Variants in PLEKHA7 observed in about 807,000 individuals in gnomAD.
PLEKHA7 encodes pleckstrin homology domain-containing family A member 7.
A neutral mutation model predicts 170.0 loss-of-function variants in PLEKHA7; 104 were observed. That is an observed-to-expected ratio of 0.61 (90% CI 0.52 to 0.72). PLEKHA7 has a LOEUF of 0.72. Among genes scored for constraint, PLEKHA7 ranks in the 30% least tolerant of loss-of-function variants. The probability of loss-of-function intolerance (pLI) is 0.00; values close to 1 mark genes in which losing one functional copy is unlikely to be tolerated. For synonymous variants in PLEKHA7, 648 were observed against 660.8 expected, an observed-to-expected ratio of 0.98 and a Z score of 0.30; for missense variants, 1,615 against 1,671.7, an observed-to-expected ratio of 0.97 and a Z score of 0.59.
chr11:16,950,554 T>C (rs1189677621), intron 3 of PLEKHA7, among the ~76,000 whole-genome samples: 1 of 151,762 alleles, frequency 6.6e-6, no homozygotes, highest in Non-Finnish European at 1.5e-5. Context: ...AATAGAGTCC[T>C]GACTCCTAAG....
intron 6 of PLEKHA7, among the ~76,000 whole-genome samples, chr11:16,853,776 G>C (rs971978768): frequency 6.6e-6 from 1 of 152,212 alleles, no homozygotes; most frequent in Non-Finnish European, 1.5e-5. Flanking sequence ...GTGGGCACAA[G>C]AGACGGTGGT....
In PLEKHA7 at chr11:16,813,151, G is replaced by C; in HGVS notation, c.1969C>G (p.Leu657Val). ...LHGKSADDTY[L>V]QLKKDLEYLD... ...TACTCCAGGTCTTTCTTCAGCTGGA[G>C]GTAGGTATCATCAGCCTTCAAATGA... The change falls in exon 13 of 27, where the codon CTC becomes GTC. Residue 657 changes from leucine (L) to valine (V), a missense_variant. Leu to Val is a conservative substitution (Grantham distance 32). Coordinates refer to ENST00000531066, the MANE Select transcript of PLEKHA7 (RefSeq NM_001329630.2). The C allele has an allele frequency of 6.2e-7, 1 of 1,613,614 alleles. No individual in the cohort carries two copies. Among genetic ancestry groups the C allele is most frequent in the Non-Finnish European group, 8.5e-7 (1 of 1,179,592 alleles).
intron 3 of PLEKHA7, among the ~76,000 whole-genome samples, chr11:16,993,349 A>G (rs1864157938): frequency 6.6e-6 from 1 of 152,088 alleles, no homozygotes; most frequent in Admixed American, 6.5e-5. Flanking sequence ...GGCAGGCAGG[A>G]AACAATTCCT....
At chr11:16,929,736 G>A (rs903374562) in intron 3 of PLEKHA7, among the ~76,000 whole-genome samples, 3 of 152,226 alleles carry the variant, frequency 2.0e-5, no homozygotes, top group African/African-American at 7.2e-5. Flanking sequence ...TGGGCGTGGT[G>A]GCTCACGCCT....
chr11:16,996,908 C>A (rs566822632), intron 3 of PLEKHA7, among the ~76,000 whole-genome samples: 1 of 152,168 alleles, frequency 6.6e-6, no homozygotes, highest in South Asian at 2.1e-4. Flanking sequence ...TGCACTCCAG[C>A]CTGGGTGACA....
chr11:16,903,236 C>A (rs1857448525), intron 3 of PLEKHA7, among the ~76,000 whole-genome samples: 1 of 152,188 alleles, frequency 6.6e-6, no homozygotes, highest in South Asian at 2.1e-4. Context: ...AGGTCTTAGT[C>A]ACAGCTCTAT....
chr11:17,004,536 G>A (rs1351665523), intron 3 of PLEKHA7, among the ~76,000 whole-genome samples: 1 of 151,912 alleles, frequency 6.6e-6, no homozygotes, highest in Non-Finnish European at 1.5e-5. Flanking sequence ...GGGATTACAG[G>A]CACGCACCAC....
At chr11:17,004,439 C>G (rs939791233) in intron 3 of PLEKHA7, among the ~76,000 whole-genome samples, 1 of 150,190 alleles carries the variant, frequency 6.7e-6, no homozygotes, top group Non-Finnish European at 1.5e-5. Flanking sequence ...GTCGCCCAGG[C>G]TGGAGTGCAA....
intron 3 of PLEKHA7, among the ~76,000 whole-genome samples, chr11:16,936,579 T>C (rs1860322103): frequency 6.6e-6 from 1 of 152,182 alleles, no homozygotes; most frequent in Non-Finnish European, 1.5e-5. Context: ...TCCAATTATA[T>C]TCCTGGAGAC....
intron 3 of PLEKHA7, among the ~76,000 whole-genome samples, chr11:16,961,222 T>C (rs944599607): frequency 6.6e-6 from 1 of 152,206 alleles, no homozygotes; most frequent in African/African-American, 2.4e-5. Context: ...CAGTCCCAGC[T>C]GGTTTCTCTG....
intron 8 of PLEKHA7, among the ~76,000 whole-genome samples, chr11:16,849,179 T>G (rs1336929422): frequency 6.6e-6 from 1 of 152,202 alleles, no homozygotes; most frequent in Non-Finnish European, 1.5e-5. Flanking sequence ...ACTCTCTTAG[T>G]AAAGTCTTTC....
At chr11:16,896,012 G>A (rs531181305) in intron 3 of PLEKHA7, among the ~76,000 whole-genome samples, 3 of 152,260 alleles carry the variant, frequency 2.0e-5, no homozygotes, top group East Asian at 3.9e-4. Flanking sequence ...CAGGATACAC[G>A]ATGGTCCCCA....
At chr11:16,953,097 C>T (rs1861505380) in intron 3 of PLEKHA7, among the ~76,000 whole-genome samples, 1 of 152,224 alleles carries the variant, frequency 6.6e-6, no homozygotes, top group Non-Finnish European at 1.5e-5. Context: ...TTCATGGAGG[C>T]AGTGAAGTTT....
At chr11:16,984,958 G>A (rs1863638555) in intron 3 of PLEKHA7, among the ~76,000 whole-genome samples, 1 of 152,184 alleles carries the variant, frequency 6.6e-6, no homozygotes, top group Non-Finnish European at 1.5e-5. Flanking sequence ...AACAGAAGTG[G>A]GATTAAAATT....
intron 4 of PLEKHA7, among the ~76,000 whole-genome samples, chr11:16,861,776 C>T (rs1401506334): frequency 6.6e-6 from 1 of 151,990 alleles, no homozygotes; most frequent in Non-Finnish European, 1.5e-5. Flanking sequence ...GAAAGCTGGC[C>T]CCCAAAGTCA....
chr11:16,834,080 G>A (rs905553572), intron 9 of PLEKHA7, among the ~76,000 whole-genome samples: 16 of 152,052 alleles, frequency 1.1e-4, no homozygotes, highest in African/African-American at 3.1e-4. Context: ...GCGCGGTTTC[G>A]ACTCACTACA....
chr11:16,892,619 C>CTTTTTTTTT (rs10674972), intron 3 of PLEKHA7, among the ~76,000 whole-genome samples: 164 of 82,376 alleles, frequency 2.0e-3, no homozygotes, highest in Non-Finnish European at 2.2e-3. Context: ...CTTCCAGCTT[C>CTTTTTTTTT]TTTTTTTTTT....
intron 23 of PLEKHA7, chr11:16,788,409 G>GC (rs1849546678): frequency 6.5e-6 from 1 of 152,760 alleles, no homozygotes; most frequent in Admixed American, 6.5e-5. Context: ...AACACTAAAA[G>GC]CAAAGGAGCT....
At chr11:16,838,338 T>C (rs1396433527) in intron 9 of PLEKHA7, among the ~76,000 whole-genome samples, 1 of 151,828 alleles carries the variant, frequency 6.6e-6, no homozygotes, top group East Asian at 1.9e-4. Flanking sequence ...TGAGCCTCTG[T>C]CTCTAAAAAA....
Sources: allele counts gnomAD v4.1 joint callset (sites outside exome capture counted in the v4.1 genomes callset), GRCh38; gene constraint gnomAD v4.1.1; transcripts MANE v1.5; gene names NCBI Gene and HGNC (gene_info 2026-07-23, HGNC 2026-07-21).